Variants in FYN observed in about 807,000 individuals in gnomAD.
FYN encodes the protein tyrosine-protein kinase Fyn.
In FYN, 10 loss-of-function variants were observed where a neutral mutation model predicts 70.2. That is an observed-to-expected ratio of 0.14 (90% CI 0.09 to 0.24). FYN has a LOEUF of 0.24. Among genes scored for constraint, FYN ranks in the 10% least tolerant of loss-of-function variants. The pLI is 1.00. For missense variants in FYN, 319 were observed against 673.1 expected (o/e 0.47, Z 5.82); for synonymous variants, 236 against 248.6 (o/e 0.95, Z 0.48).
intron 2 of FYN, among the ~76,000 whole-genome samples, chr6:111,821,590 TA>T (rs1290698009): frequency 1.3e-5 from 2 of 152,122 alleles, no homozygotes; most frequent in Non-Finnish European, 2.9e-5. Flanking sequence ...ACTTCATGTC[TA>T]AAACACCAAA....
rs1320960545 is a variant in FYN at position 111,681,220 on chromosome 6, G to A, written c.1274-6590C>T. Reference sequence around the variant, plus strand: ...TTTTTGTATTTTTAGTAGAGGCGGTGTTTCACCATATTGGTCAGGCTGCTC... The same window carrying A: ...TTTTTGTATTTTTAGTAGAGGCGGTATTTCACCATATTGGTCAGGCTGCTC... On this transcript the variant is annotated intron_variant, in intron 12 of 13. Coordinates refer to ENST00000354650, the MANE Select transcript of FYN (RefSeq NM_002037.5). Among the ~76,000 whole-genome samples the A allele has an allele frequency of 2.6e-5, 4 of 152,192 alleles. No individual in the cohort carries two copies. In the East Asian group the frequency reaches 7.7e-4, roughly 29 times the overall value.
chr6:111,863,831 C>T (rs1774031092), intron 1 of FYN, among the ~76,000 whole-genome samples: 1 of 152,194 alleles, frequency 6.6e-6, no homozygotes, highest in Non-Finnish European at 1.5e-5. Context: ...CCCTCTCAAG[C>T]TTCGGCACTC....
intron 1 of FYN, among the ~76,000 whole-genome samples, chr6:111,872,656 C>T (rs150874074): frequency 0.028 from 4,243 of 152,034 alleles, 178 homozygotes; most frequent in African/African-American, 0.095. Context: ...AAAAGGAGGG[C>T]GGGGGCGGAG....
At chr6:111,695,004 T>C (rs941094898) in intron 10 of FYN, among the ~76,000 whole-genome samples, 1 of 152,214 alleles carries the variant, frequency 6.6e-6, no homozygotes, top group African/African-American at 2.4e-5. Context: ...GAGGAACCTA[T>C]GAAGAACTGC....
intron 3 of FYN, among the ~76,000 whole-genome samples, chr6:111,764,819 C>A (rs1803163887): frequency 6.6e-6 from 1 of 152,198 alleles, no homozygotes; most frequent in African/African-American, 2.4e-5. Flanking sequence ...AGGAAAGATG[C>A]TCTTTTAAAA....
At chr6:111,726,506 CTA>C (rs1801199035) in intron 3 of FYN, among the ~76,000 whole-genome samples, 1 of 152,164 alleles carries the variant, frequency 6.6e-6, no homozygotes, top group East Asian at 1.9e-4. Context: ...TTGTCCACAG[CTA>C]TGTCAGTCAT....
chr6:111,688,016 C>G (rs561750027), intron 12 of FYN, among the ~76,000 whole-genome samples: 6 of 151,872 alleles, frequency 4.0e-5, no homozygotes, highest in African/African-American at 1.2e-4. Flanking sequence ...AGAGGTCAAG[C>G]TATCCAAAAA....
chr6:111,872,567 G>T (rs988758249), intron 1 of FYN, among the ~76,000 whole-genome samples: 6 of 151,912 alleles, frequency 3.9e-5, no homozygotes, highest in Non-Finnish European at 8.8e-5. Context: ...GAAGCAGCAC[G>T]GGGCATCAAT....
intron 2 of FYN, among the ~76,000 whole-genome samples, chr6:111,819,537 T>G (rs934389359): frequency 6.6e-6 from 1 of 152,200 alleles, no homozygotes; most frequent in African/African-American, 2.4e-5. Context: ...ACATAGTACT[T>G]GAACTGCCTT....
intron 2 of FYN, among the ~76,000 whole-genome samples, chr6:111,781,474 C>T (rs972548097): frequency 2.0e-5 from 3 of 152,242 alleles, no homozygotes; most frequent in African/African-American, 7.2e-5. Flanking sequence ...ACAACCTACA[C>T]AGCCTGTCTT....
At chr6:111,735,096 T>C (rs1801651172) in intron 3 of FYN, among the ~76,000 whole-genome samples, 1 of 152,190 alleles carries the variant, frequency 6.6e-6, no homozygotes, top group Non-Finnish European at 1.5e-5. Flanking sequence ...ATAGCATATC[T>C]GAGGGCACAG....
chr6:111,722,634 G>A (rs73766712), intron 3 of FYN, among the ~76,000 whole-genome samples: 4 of 152,092 alleles, frequency 2.6e-5, no homozygotes, highest in Non-Finnish European at 4.4e-5. Flanking sequence ...TCTCAGCTGG[G>A]GGTAACTTTA....
At chr6:111,849,589 A>AT (rs1773628522) in intron 1 of FYN, among the ~76,000 whole-genome samples, 1 of 152,174 alleles carries the variant, frequency 6.6e-6, no homozygotes, top group African/African-American at 2.4e-5. Context: ...GAAAGGTGGG[A>AT]AGTAAGGCAG....
At chr6:111,702,698 T>C (rs189826257) in intron 8 of FYN, 187 bp downstream of exon 8, 2 of 436,310 alleles carry the variant, frequency 4.6e-6, no homozygotes, top group African/African-American at 2.0e-5. Flanking sequence ...GAACTAATAA[T>C]AACAACAGTA....
chr6:111,685,012 A>G (rs1798935564), intron 12 of FYN, among the ~76,000 whole-genome samples: 1 of 152,248 alleles, frequency 6.6e-6, no homozygotes, highest in South Asian at 2.1e-4. Context: ...TTACCTCTGT[A>G]AAGAGAAAAC....
At chr6:111,728,521 C>A (rs1801291041) in intron 3 of FYN, among the ~76,000 whole-genome samples, 1 of 152,208 alleles carries the variant, frequency 6.6e-6, no homozygotes, top group Non-Finnish European at 1.5e-5. Context: ...CTCTCCCCAG[C>A]CCCTGGCAAC....
At chr6:111,799,431 T>C (rs1459531055) in intron 2 of FYN, among the ~76,000 whole-genome samples, 5 of 152,152 alleles carry the variant, frequency 3.3e-5, no homozygotes, top group Non-Finnish European at 5.9e-5. Flanking sequence ...AGTTGAGATG[T>C]TTCCCTTTAC....
intron 3 of FYN, among the ~76,000 whole-genome samples, chr6:111,765,259 A>G (rs978756501): frequency 8.6e-5 from 13 of 151,966 alleles, no homozygotes; most frequent in Non-Finnish European, 1.9e-4. Flanking sequence ...CCTAACCCCC[A>G]ATGTAACTGT....
intron 2 of FYN, chr6:111,819,751 T>C (rs1364718747): frequency 1.3e-5 from 2 of 152,152 alleles, no homozygotes; most frequent in Non-Finnish European, 2.9e-5. Flanking sequence ...TATGGACTGT[T>C]AGTGACCAAC....
Sources: allele counts gnomAD v4.1 joint callset (sites outside exome capture counted in the v4.1 genomes callset), GRCh38; gene constraint gnomAD v4.1.1; transcripts MANE v1.5; gene names NCBI Gene and HGNC (gene_info 2026-07-23, HGNC 2026-07-21).